The following GALNT13 variants were observed in gnomAD, a reference collection of about 807,000 sequenced individuals.
GALNT13 encodes UDP-GalNAc:polypeptide N-acetylgalactosaminyltransferase 13.
A neutral mutation model predicts 64.2 loss-of-function variants in GALNT13; 28 were observed. That is an observed-to-expected ratio of 0.44 (90% CI 0.32 to 0.60). The LOEUF is 0.60. Among genes scored for constraint, GALNT13 ranks in the 20% least tolerant of loss-of-function variants. The pLI is 0.05. For missense variants in GALNT13, 577 were observed against 669.8 expected, an observed-to-expected ratio of 0.86 and a Z score of 1.53; for synonymous variants, 214 against 224.6, an observed-to-expected ratio of 0.95 and a Z score of 0.42.
chr2:153,356,901 C>T, the GALNT13 span, among the ~76,000 whole-genome samples: 1 of 147,238 alleles, frequency 6.8e-6, no homozygotes, highest in East Asian at 2.0e-4. Flanking sequence ...AGGTTCACCC[C>T]ATTCTCCTGC....
intron 2 of GALNT13, among the ~76,000 whole-genome samples, chr2:153,906,641 A>C (rs1300195722): frequency 1.3e-4 from 20 of 151,656 alleles, no homozygotes; most frequent in Non-Finnish European, 2.9e-4. Context: ...AATCCAGTCT[A>C]TCGTTGTTGG....
chr2:153,371,042 T>TAGCC, the GALNT13 span: 703 of 213,144 alleles, frequency 3.3e-3, 2 homozygotes, highest in Middle Eastern at 0.011. Context: ...GCTTTGGATA[T>TAGCC]AGCCAACACA....
intron 9 of GALNT13, among the ~76,000 whole-genome samples, chr2:154,370,251 C>G (rs558503971): frequency 6.8e-4 from 104 of 152,146 alleles, no homozygotes; most frequent in African/African-American, 2.4e-3. Context: ...GTCTTCTAGA[C>G]TAGTCTAAGG....
At chr2:153,582,202 G>T in the GALNT13 span, among the ~76,000 whole-genome samples, 1 of 152,108 alleles carries the variant, frequency 6.6e-6, no homozygotes, top group East Asian at 1.9e-4. Context: ...CCATTTTTCA[G>T]TTTAGTTGAG....
At chr2:154,445,299 T>C (rs758936055) in intron 12 of GALNT13, among the ~76,000 whole-genome samples, 2 of 152,132 alleles carry the variant, frequency 1.3e-5, no homozygotes, top group South Asian at 4.1e-4. Context: ...CCTGGGGTCA[T>C]GTTTCCAGAG....
the GALNT13 span, among the ~76,000 whole-genome samples, chr2:153,240,920 G>A: frequency 6.6e-6 from 1 of 152,110 alleles, no homozygotes; most frequent in Non-Finnish European, 1.5e-5. Flanking sequence ...AGGGTTTTCA[G>A]TTGGCGCTCC....
At chr2:153,277,908 C>CTTTTG in the GALNT13 span, among the ~76,000 whole-genome samples, 37 of 69,622 alleles carry the variant, frequency 5.3e-4, 1 homozygote, top group African/African-American at 1.9e-3. Context: ...TTTCTTTTTT[C>CTTTTG]TTTTGTTTTC....
the GALNT13 span, among the ~76,000 whole-genome samples, chr2:153,866,903 A>G: frequency 6.6e-6 from 1 of 152,210 alleles, no homozygotes; most frequent in Admixed American, 6.5e-5. Context: ...ATGACCAAAT[A>G]TTTACATCAG....
intron 3 of GALNT13, among the ~76,000 whole-genome samples, chr2:154,054,947 G>T (rs1021857886): frequency 4.6e-5 from 7 of 151,984 alleles, no homozygotes; most frequent in Admixed American, 2.0e-4. Flanking sequence ...GTCTAATTAT[G>T]TTGATAAAAT....
At chr2:153,257,245 C>G in the GALNT13 span, among the ~76,000 whole-genome samples, 1 of 152,144 alleles carries the variant, frequency 6.6e-6, no homozygotes, top group Non-Finnish European at 1.5e-5. Flanking sequence ...CTTTGTTTGA[C>G]TAGGAAAGGG....
the GALNT13 span, among the ~76,000 whole-genome samples, chr2:153,644,382 A>T: frequency 6.6e-6 from 1 of 152,020 alleles, no homozygotes; most frequent in African/African-American, 2.4e-5. Context: ...TTCACCATTC[A>T]ATTTGATTTT....
At chr2:154,264,285 G>C (rs1347654441) in intron 8 of GALNT13, among the ~76,000 whole-genome samples, 3 of 151,930 alleles carry the variant, frequency 2.0e-5, no homozygotes, top group Non-Finnish European at 4.4e-5. Flanking sequence ...ATGAGGTAAG[G>C]GGTAGAGGAA....
At chr2:153,666,660 C>T in the GALNT13 span, among the ~76,000 whole-genome samples, 1 of 152,128 alleles carries the variant, frequency 6.6e-6, no homozygotes, top group African/African-American at 2.4e-5. Context: ...AATCAAAAAG[C>T]CCTATCCAAA....
At chr2:153,673,133 A>C in the GALNT13 span, among the ~76,000 whole-genome samples, 2 of 152,186 alleles carry the variant, frequency 1.3e-5, no homozygotes, top group Non-Finnish European at 2.9e-5. Flanking sequence ...AGAGATACAA[A>C]GATGAGCTGG....
chr2:153,803,691 C>A, the GALNT13 span, among the ~76,000 whole-genome samples: 655 of 104,830 alleles, frequency 6.2e-3, no homozygotes, highest in East Asian at 0.026. Flanking sequence ...GACTCTGTCT[C>A]AAAAAAAAAA....
chr2:154,042,680 G>T (rs1699043288), intron 3 of GALNT13, among the ~76,000 whole-genome samples: 2 of 127,366 alleles, frequency 1.6e-5, no homozygotes. Context: ...CTTTACCCTA[G>T]TCCTTATCAT....
At chr2:154,307,668 C>A (rs1693812930) in intron 9 of GALNT13, among the ~76,000 whole-genome samples, 1 of 151,872 alleles carries the variant, frequency 6.6e-6, no homozygotes, top group African/African-American at 2.4e-5. Context: ...GATGCAAATA[C>A]TATATAGCAT....
chr2:154,340,896 A>G (rs1309317820), intron 9 of GALNT13, among the ~76,000 whole-genome samples: 1 of 60,082 alleles, frequency 1.7e-5, no homozygotes, highest in African/African-American at 4.2e-5. Flanking sequence ...CTTTGTGTGT[A>G]TGAGTGTGTG....
the GALNT13 span, among the ~76,000 whole-genome samples, chr2:153,388,686 TA>T: frequency 0.015 from 2,327 of 152,160 alleles, 57 homozygotes; most frequent in African/African-American, 0.053. Context: ...AAGGAAAGAA[TA>T]GGAGGAACAT....
Sources: allele counts gnomAD v4.1 joint callset (sites outside exome capture counted in the v4.1 genomes callset), GRCh38; gene constraint gnomAD v4.1.1; transcripts MANE v1.5; gene names NCBI Gene and HGNC (gene_info 2026-07-23, HGNC 2026-07-21).